NAP1L1: variants seen among roughly 807,000 people sequenced by gnomAD.
NAP1L1 encodes the protein nucleosome assembly protein 1-like 1.
In NAP1L1, 9 loss-of-function variants were observed where a neutral mutation model predicts 58.9. The ratio of observed to expected loss-of-function variants is 0.15; its 90% confidence interval spans 0.09 to 0.27. The LOEUF (loss-of-function observed/expected upper bound fraction) is 0.27. NAP1L1 is among the 10% of genes least tolerant of loss of function. NAP1L1 has a pLI of 1.00. For missense variants in NAP1L1, 302 were observed against 458.8 expected (o/e 0.66, Z 3.12); for synonymous variants, 130 against 138.3 (o/e 0.94, Z 0.42).
intron 14 of NAP1L1, among the ~76,000 whole-genome samples, 174 bp from the exon 15 acceptor site, chr12:76,048,638 A>C (rs765806959): frequency 4.5e-4 from 69 of 152,124 alleles, no homozygotes; most frequent in Non-Finnish European, 8.8e-4. Context: ...TGCTAAAATC[A>C]AGCTCAAACT....
At chr12:76,082,628 A>G (rs1362789584) in intron 1 of NAP1L1, among the ~76,000 whole-genome samples, 7 of 152,212 alleles carry the variant, frequency 4.6e-5, no homozygotes. Context: ...CATTCTCCAA[A>G]GGACAGTATT....
At chr12:76,072,775 G>C (rs1362972653) in intron 2 of NAP1L1, among the ~76,000 whole-genome samples, 1 of 152,146 alleles carries the variant, frequency 6.6e-6, no homozygotes, top group Non-Finnish European at 1.5e-5. Context: ...ATGGAGCAAT[G>C]CCTTCAAAAT....
intron 2 of NAP1L1, among the ~76,000 whole-genome samples, chr12:76,072,933 T>C (rs1274872345): frequency 6.6e-6 from 1 of 151,600 alleles, no homozygotes; most frequent in African/African-American, 2.4e-5. Context: ...GAGAAAGCAA[T>C]GTGAGATATG....
At chr12:76,050,353 C>A (rs1948761067) in intron 12 of NAP1L1, among the ~76,000 whole-genome samples, 178 bp downstream of exon 12, 1 of 152,034 alleles carries the variant, frequency 6.6e-6, no homozygotes, top group African/African-American at 2.4e-5. Flanking sequence ...ATAAATGAAT[C>A]CAAAAATCCT....
At chr12:76,079,971 G>C (rs998863615) in intron 1 of NAP1L1, among the ~76,000 whole-genome samples, 1 of 152,166 alleles carries the variant, frequency 6.6e-6, no homozygotes, top group African/African-American at 2.4e-5. Context: ...ACAGGTGTGA[G>C]CCACCACACC....
chr12:76,040,475 C>T lies in NAP1L1; in HGVS notation c.*7954G>A, dbSNP rs1193768602. On this transcript the variant is annotated 3_prime_UTR_variant, in exon 15 of 15. Transcript: ENST00000618691. Reference sequence around the variant, plus strand: ...CAGTGAGGATTGAGACTGTTATAATCCAGTTCCACCTGAGAGTAAATATAC... The same window carrying T: ...CAGTGAGGATTGAGACTGTTATAATTCAGTTCCACCTGAGAGTAAATATAC... 1.3e-5 allele frequency: 2 copies of T among 152,096 alleles called. No individual in the cohort carries two copies. The highest frequency in any genetic ancestry group is 1.3e-4 in the Admixed American group (2 of 15,242). The allele number at this position is 152,096 out of a possible 1,614,324, so 9.4% of individuals were successfully genotyped here.
At chr12:76,050,476 T>C in intron 12 of NAP1L1, 55 bp downstream of exon 12, 1 of 1,542,916 alleles carries the variant, frequency 6.5e-7, no homozygotes, top group Non-Finnish European at 8.7e-7. Context: ...TATTACCAAT[T>C]CTGACCACTA....
At chr12:76,060,876 T>A (rs1039266053) in intron 4 of NAP1L1, 5 of 236,474 alleles carry the variant, frequency 2.1e-5, no homozygotes, top group African/African-American at 1.2e-4. Context: ...GTGGATTCCT[T>A]TAGCCCAAAA....
In NAP1L1 at chr12:76,078,998, C is replaced by T. The variant is rs534815948; in HGVS notation, c.-20-4759G>A. On this transcript the variant is annotated intron_variant, in intron 1 of 14. Transcript: ENST00000618691. ...TAAAGAATCCATATATATATATACA[C>T]ACACACACACACACATATATTTATC... Among the ~76,000 whole-genome samples, 64 of 150,422 alleles carry T rather than the reference C, an allele frequency of 4.3e-4. No individual in the cohort carries two copies. The South Asian group carries it at 5.2e-3, about 12-fold the overall frequency.
chr12:76,065,660 T>C (rs1216056791), intron 4 of NAP1L1, among the ~76,000 whole-genome samples: 1 of 152,070 alleles, frequency 6.6e-6, no homozygotes, highest in African/African-American at 2.4e-5. Context: ...TCTATGAGGA[T>C]AACTTTGAAA....
At chr12:76,070,755 G>C (rs1337543346) in intron 2 of NAP1L1, among the ~76,000 whole-genome samples, 1 of 152,192 alleles carries the variant, frequency 6.6e-6, no homozygotes, top group Admixed American at 6.5e-5. Flanking sequence ...GGATGTTCAA[G>C]TCCCTTATAT....
At position 76,037,381 on chromosome 12, in the gene NAP1L1, T is replaced by C. The variant is rs996906453; in HGVS notation, c.*11048A>G. 1.3e-5 allele frequency: 2 copies of C among 152,430 alleles called. No homozygotes were observed. The highest frequency in any genetic ancestry group is 2.9e-5 in the Non-Finnish European group (2 of 68,058). 9.4% of individuals were successfully genotyped at this position (152,430 alleles called of 1,614,324 possible). A position where few individuals can be genotyped will look rare whatever the true frequency, so the allele number is the denominator to read the frequency against. ...TTTTTTAACTGTAGTACAAACACAA[T>C]TGTGGATCCAAGCACCGTCCATCAG... On this transcript the variant is annotated 3_prime_UTR_variant, in exon 15 of 15. Transcript: ENST00000618691.
intron 2 of NAP1L1, among the ~76,000 whole-genome samples, chr12:76,070,302 T>C (rs1949894483): frequency 6.6e-6 from 1 of 152,136 alleles, no homozygotes; most frequent in African/African-American, 2.4e-5. Flanking sequence ...TCTGTATTTT[T>C]AGTAGAGACA....
chr12:76,055,758 G>A (rs778237805), intron 7 of NAP1L1, among the ~76,000 whole-genome samples: 2 of 152,138 alleles, frequency 1.3e-5, no homozygotes, highest in Non-Finnish European at 2.9e-5. Context: ...TCCATACTAA[G>A]TATGTAAAGA....
chr12:76,068,779 CTA>C (rs1425725496), intron 3 of NAP1L1, 128 bp downstream of exon 3: 2 of 643,768 alleles, frequency 3.1e-6, no homozygotes, highest in Non-Finnish European at 2.8e-6. Flanking sequence ...CACACACACA[CTA>C]GAAGTATGGA....
chr12:76,050,737 G>T, intron 11 of NAP1L1, 84 bp from the exon 12 acceptor site: 8 of 1,413,914 alleles, frequency 5.7e-6, no homozygotes, highest in Non-Finnish European at 7.6e-6. Flanking sequence ...TTAGAGGCTG[G>T]GTGTGATGGC....
At chr12:76,073,365 G>C (rs1474703506) in intron 2 of NAP1L1, among the ~76,000 whole-genome samples, 1 of 152,058 alleles carries the variant, frequency 6.6e-6, no homozygotes, top group Non-Finnish European at 1.5e-5. Context: ...AACAAACACT[G>C]TGTACCTCAT....
Position 76,048,221 on chromosome 12 carries a change from A to T in NAP1L1, c.*208T>A. 1 of 495,748 alleles carries T rather than the reference A, an allele frequency of 2.0e-6. No homozygotes were observed. Among genetic ancestry groups the T allele is most frequent in the Non-Finnish European group, 3.6e-6 (1 of 280,898 alleles). The allele number at this position is 495,748 out of a possible 1,614,324, so 30.7% of individuals were successfully genotyped here. A position where few individuals can be genotyped will look rare whatever the true frequency, so the allele number is the denominator to read the frequency against. On this transcript the variant is annotated 3_prime_UTR_variant, in exon 15 of 15. Coordinates refer to ENST00000618691, the MANE Select transcript of NAP1L1 (RefSeq NM_004537.7). ...GTAGCAATGAATGAACATGCGTGACAGAATTTGTGCATTCAACATAGCTGG... is the reference window on the plus strand; with the variant it reads ...GTAGCAATGAATGAACATGCGTGACTGAATTTGTGCATTCAACATAGCTGG...
chr12:76,037,930 AT>A lies in NAP1L1; in HGVS notation c.*10498del, dbSNP rs1360693749. ...TGACTAATGTTTTGTCTGGAAATGTATTGATATTATTCAAAATGGGCAAGCA... is the reference window on the plus strand; with the variant it reads ...TGACTAATGTTTTGTCTGGAAATGTATGATATTATTCAAAATGGGCAAGCA... On this transcript the variant is annotated 3_prime_UTR_variant, in exon 15 of 15. Coordinates refer to ENST00000618691, the MANE Select transcript of NAP1L1 (RefSeq NM_004537.7). 1 of 152,218 alleles carries A rather than the reference AT, an allele frequency of 6.6e-6. No homozygotes were observed. Among genetic ancestry groups the A allele is most frequent in the Admixed American group, 6.5e-5 (1 of 15,274 alleles). The allele number at this position is 152,218 out of a possible 1,614,324, so 9.4% of individuals were successfully genotyped here.
Sources: allele counts gnomAD v4.1 joint callset (sites outside exome capture counted in the v4.1 genomes callset), GRCh38; gene constraint gnomAD v4.1.1; transcripts MANE v1.5; gene names NCBI Gene and HGNC (gene_info 2026-07-23, HGNC 2026-07-21).